The following CUEDC1 variants were observed in gnomAD, a reference collection of about 807,000 sequenced individuals.
CUEDC1 encodes CUE domain-containing protein 1.
A neutral mutation model predicts 43.7 loss-of-function variants in CUEDC1; 30 were observed. That is an observed-to-expected ratio of 0.69 (90% confidence interval 0.51 to 0.93). The LOEUF (loss-of-function observed/expected upper bound fraction) is 0.93. Ranked by LOEUF, CUEDC1 falls within the 40% of genes least tolerant of loss-of-function variation. CUEDC1 has a pLI of 0.00. For synonymous variants in CUEDC1, 223 were observed against 223.6 expected (o/e 1.00, Z 0.02); for missense variants, 486 against 549.0 (o/e 0.89, Z 1.15).
At position 57,862,560 on chromosome 17, in the gene CUEDC1, C is replaced by A. The variant is rs1477448299; in HGVS notation, c.*729G>T. On this transcript the variant is annotated 3_prime_UTR_variant, in exon 11 of 11. Transcript: ENST00000577830. Reference sequence around the variant, plus strand: ...ACCCTCCCCATCCCTGCTGGGTGACCGGGAGCTGCTGGGAGTGAGCCCATC... The same window carrying A: ...ACCCTCCCCATCCCTGCTGGGTGACAGGGAGCTGCTGGGAGTGAGCCCATC... 6.6e-6 allele frequency: 1 copy of A among 152,424 alleles called. No individual in the cohort carries two copies. Among genetic ancestry groups the A allele is most frequent in the African/African-American group, 2.4e-5 (1 of 41,458 alleles). 9.4% of individuals were successfully genotyped at this position (152,424 alleles called of 1,614,324 possible). A position where few individuals can be genotyped will look rare whatever the true frequency, so the allele number is the denominator to read the frequency against.
At chr17:57,880,510 C>T (rs924557271) in intron 2 of CUEDC1, among the ~76,000 whole-genome samples, 1 of 152,214 alleles carries the variant, frequency 6.6e-6, no homozygotes, top group Non-Finnish European at 1.5e-5. Flanking sequence ...GATGCCTGCT[C>T]TCCTTCCCAA....
At chr17:57,927,583 A>T (rs2143139467) in intron 1 of CUEDC1, among the ~76,000 whole-genome samples, 4 of 152,318 alleles carry the variant, frequency 2.6e-5, no homozygotes, top group Middle Eastern at 6.8e-3. Flanking sequence ...GAATAGGAGC[A>T]GCTGGGTTTA....
chr17:57,948,205 C>T (rs375522690), intron 1 of CUEDC1, among the ~76,000 whole-genome samples: 1 of 152,132 alleles, frequency 6.6e-6, no homozygotes, highest in Non-Finnish European at 1.5e-5. Flanking sequence ...TAGGAGATAA[C>T]CCACTAGCTC....
chr17:57,878,887 G>A (rs1309091028), intron 3 of CUEDC1, among the ~76,000 whole-genome samples: 1 of 152,110 alleles, frequency 6.6e-6, no homozygotes, highest in Non-Finnish European at 1.5e-5. Flanking sequence ...GACTGGTCTT[G>A]AACTACTGAC....
At chr17:57,902,651 T>C (rs958744795) in intron 1 of CUEDC1, among the ~76,000 whole-genome samples, 2 of 152,206 alleles carry the variant, frequency 1.3e-5, no homozygotes, top group Non-Finnish European at 2.9e-5. Flanking sequence ...AGATAGATTA[T>C]CCTCTCACTC....
At chr17:57,881,461 G>A (rs1207506809) in intron 2 of CUEDC1, among the ~76,000 whole-genome samples, 3 of 152,218 alleles carry the variant, frequency 2.0e-5, no homozygotes, top group Non-Finnish European at 4.4e-5. Context: ...GCCTGGCACA[G>A]GACAGTGACC....
In CUEDC1 at chr17:57,885,351, C is replaced by T. The variant is rs752061024; in HGVS notation, c.214G>A (p.Ala72Thr). 12 of 1,611,892 alleles carry T rather than the reference C, an allele frequency of 7.4e-6. No homozygotes were observed. Among genetic ancestry groups the T allele is most frequent in the African/African-American group, 1.3e-5 (1 of 74,938 alleles). Residue 72 changes from alanine (A) to threonine (T), a missense_variant, in exon 2 of 11, where the codon GCC becomes ACC. Transcript: ENST00000577830. ...DYDIIECVLR[A>T]NSGAVDATID... ...GTGGCGTCCACAGCGCCGCTGTTGGCGCGCAGCACGCATTCGATGATGTCG... is the reference window on the plus strand; with the variant it reads ...GTGGCGTCCACAGCGCCGCTGTTGGTGCGCAGCACGCATTCGATGATGTCG...
At chr17:57,946,703 C>A (rs1012793865) in intron 1 of CUEDC1, among the ~76,000 whole-genome samples, 2 of 152,136 alleles carry the variant, frequency 1.3e-5, no homozygotes, top group African/African-American at 4.8e-5. Flanking sequence ...AAAATCCACC[C>A]GGCCCAGGCA....
At chr17:57,903,748 G>A (rs1265070329) in intron 1 of CUEDC1, among the ~76,000 whole-genome samples, 1 of 151,984 alleles carries the variant, frequency 6.6e-6, no homozygotes, top group African/African-American at 2.4e-5. Flanking sequence ...AGACCAGCTT[G>A]AGCAACATAG....
chr17:57,926,817 A>G (rs973601051), intron 1 of CUEDC1, among the ~76,000 whole-genome samples: 2 of 152,212 alleles, frequency 1.3e-5, no homozygotes, highest in Non-Finnish European at 2.9e-5. Context: ...TGTATCCACC[A>G]TAAAACAGAG....
At chr17:57,929,781 C>T (rs768240001) in intron 1 of CUEDC1, among the ~76,000 whole-genome samples, 16 of 152,154 alleles carry the variant, frequency 1.1e-4, no homozygotes, top group African/African-American at 2.4e-4. Flanking sequence ...TCTAGCACAG[C>T]GCTTCTCAGT....
Position 57,885,715 on chromosome 17 carries a change from G to T in CUEDC1, c.-151C>A. On this transcript the variant is annotated 5_prime_UTR_variant, in exon 2 of 11. Transcript: ENST00000577830. ...CCGGGTAGCCAGGCAGCAATGGGCT[G>T]CCAAGAGCTCCGGGTTAGGAGAGTA... is the stretch of plus-strand genomic sequence containing the variant. The T allele has an allele frequency of 8.0e-7, 1 of 1,257,016 alleles. No homozygotes were observed. The highest frequency in any genetic ancestry group is 1.0e-6 in the Non-Finnish European group (1 of 989,478). 77.9% of individuals were successfully genotyped at this position (1,257,016 alleles called of 1,614,324 possible). A position where few individuals can be genotyped will look rare whatever the true frequency, so the allele number is the denominator to read the frequency against.
At chr17:57,932,089 C>T (rs541359346) in intron 1 of CUEDC1, among the ~76,000 whole-genome samples, 31 of 148,628 alleles carry the variant, frequency 2.1e-4, no homozygotes, top group African/African-American at 7.7e-4. Flanking sequence ...CTGGCCAACA[C>T]GGTGAAATCC....
chr17:57,944,122 T>C (rs1227145999), intron 1 of CUEDC1, among the ~76,000 whole-genome samples: 1 of 152,040 alleles, frequency 6.6e-6, no homozygotes, highest in Non-Finnish European at 1.5e-5. Context: ...TAAATTAATA[T>C]TCCCAAGATG....
intron 1 of CUEDC1, among the ~76,000 whole-genome samples, chr17:57,901,797 G>A (rs547786892): frequency 6.6e-6 from 1 of 152,262 alleles, no homozygotes; most frequent in Non-Finnish European, 1.5e-5. Flanking sequence ...AACAGCATGA[G>A]AAGCAGCCAG....
chr17:57,891,203 C>T lies in CUEDC1; in HGVS notation c.-315-5324G>A, dbSNP rs563209807. Among the ~76,000 whole-genome samples, 6 of 152,336 alleles carry T rather than the reference C, an allele frequency of 3.9e-5. No homozygotes were observed. The South Asian group carries it at 1.0e-3, about 26-fold the overall frequency. ...TTGCTGCCTCCACTTGGACATCCAA[C>T]AGCAGCTCCAACAACATGGATCCAT... On this transcript the variant is annotated intron_variant, in intron 1 of 10. Coordinates refer to ENST00000577830, the MANE Select transcript of CUEDC1 (RefSeq NM_001271875.2).
At chr17:57,884,526 C>T (rs963410130) in intron 2 of CUEDC1, among the ~76,000 whole-genome samples, 15 of 152,144 alleles carry the variant, frequency 9.9e-5, no homozygotes, top group African/African-American at 3.6e-4. Flanking sequence ...AGCGTCAGGG[C>T]TTTGTCAACC....
chr17:57,885,415 G>T lies in CUEDC1; in HGVS notation c.150C>A (p.Ala50=). The change falls in exon 2 of 11, where the codon GCC becomes GCA. Residue 50 remains alanine (A), a synonymous_variant. Coordinates refer to ENST00000577830, the MANE Select transcript of CUEDC1 (RefSeq NM_001271875.2). ...RQVRRLEFNQ[A]MDDFKTMFPN... is the part of the protein sequence containing the mutation. ...GGAACATGGTCTTGAAGTCGTCCAT[G>T]GCCTGGTTGAACTCCAGGCGGCGCA... 2.5e-6 allele frequency: 4 copies of T among 1,606,812 alleles called. No individual in the cohort carries two copies. The highest frequency in any genetic ancestry group is 3.4e-6 in the Non-Finnish European group (4 of 1,177,780).
intron 5 of CUEDC1, 86 bp downstream of exon 5, chr17:57,872,577 G>A (rs1487361210): frequency 4.1e-6 from 6 of 1,467,004 alleles, no homozygotes; most frequent in Non-Finnish European, 5.6e-6. Context: ...TCAGCCCCCA[G>A]CTCAGTGTTT....
Sources: gnomAD v4.1 joint callset for allele counts (sites outside exome capture counted in the v4.1 genomes callset) on GRCh38, gnomAD v4.1.1 for gene constraint, MANE v1.5 for transcripts, NCBI Gene and HGNC (gene_info 2026-07-23, HGNC 2026-07-21) for gene names.